Variants in NRXN1 observed in about 807,000 individuals in gnomAD.
NRXN1 encodes neurexin-1.
A neutral mutation model predicts 150.9 loss-of-function variants in NRXN1; 39 were observed. That is an observed-to-expected ratio of 0.26 (90% CI 0.20 to 0.34). The LOEUF is 0.34. Ranked by LOEUF, NRXN1 falls within the 10% of genes least tolerant of loss-of-function variation. The pLI is 1.00. For synonymous variants in NRXN1, 924 were observed against 757.0 expected (o/e 1.22, Z -3.62); for missense variants, 1,815 against 1,949.9 (o/e 0.93, Z 1.30).
At chr2:50,008,881 G>A (rs899226139) in intron 21 of NRXN1, among the ~76,000 whole-genome samples, 4 of 152,034 alleles carry the variant, frequency 2.6e-5, no homozygotes, top group African/African-American at 9.7e-5. Context: ...TGTCACTAGG[G>A]GGTGTATGTT....
chr2:50,112,981 G>A (rs567752462), intron 18 of NRXN1, among the ~76,000 whole-genome samples: 48 of 152,224 alleles, frequency 3.2e-4, no homozygotes, highest in African/African-American at 1.1e-3. Flanking sequence ...CATTTGGAAT[G>A]TGCCTCCCCT....
intron 8 of NRXN1, among the ~76,000 whole-genome samples, chr2:50,568,552 A>C (rs1269187493): frequency 6.6e-6 from 1 of 152,190 alleles, no homozygotes; most frequent in Non-Finnish European, 1.5e-5. Context: ...GCTCAACATC[A>C]CTGATCATCA....
intron 5 of NRXN1, among the ~76,000 whole-genome samples, chr2:50,663,885 T>C (rs1687649493): frequency 6.6e-6 from 1 of 152,046 alleles, no homozygotes; most frequent in African/African-American, 2.4e-5. Flanking sequence ...CTTATTTTAG[T>C]TGGCTGAAAA....
intron 2 of NRXN1, among the ~76,000 whole-genome samples, chr2:51,010,677 A>C (rs1192583320): frequency 6.6e-6 from 1 of 152,074 alleles, no homozygotes; most frequent in Non-Finnish European, 1.5e-5. Context: ...AGTTACTGTT[A>C]AACTGCCTCT....
chr2:50,768,436 G>A (rs1475968467), intron 5 of NRXN1, among the ~76,000 whole-genome samples: 1 of 151,690 alleles, frequency 6.6e-6, no homozygotes, highest in African/African-American at 2.4e-5. Context: ...AACCTCCTGA[G>A]TAGCTAGGAC....
At chr2:50,236,142 C>G (rs1269759816) in intron 18 of NRXN1, among the ~76,000 whole-genome samples, 4 of 151,968 alleles carry the variant, frequency 2.6e-5, no homozygotes, top group Non-Finnish European at 5.9e-5. Flanking sequence ...TCTTTGCTAT[C>G]TATTATATGC....
At chr2:50,505,784 T>A (rs747452633) in intron 13 of NRXN1, among the ~76,000 whole-genome samples, 6 of 152,174 alleles carry the variant, frequency 3.9e-5, no homozygotes, top group Non-Finnish European at 5.9e-5. Flanking sequence ...GACCATTTTG[T>A]GCTTTTTACC....
chr2:50,219,219 T>G (rs911261791), intron 18 of NRXN1, among the ~76,000 whole-genome samples: 3 of 152,066 alleles, frequency 2.0e-5, no homozygotes, highest in Non-Finnish European at 4.4e-5. Context: ...TAGAATTCTA[T>G]GAAGATGATA....
intron 17 of NRXN1, among the ~76,000 whole-genome samples, chr2:50,295,135 C>T (rs1044950363): frequency 6.6e-6 from 1 of 152,088 alleles, no homozygotes; most frequent in Admixed American, 6.5e-5. Context: ...CTTTCTATGC[C>T]CTGGCCTTCC....
intron 18 of NRXN1, among the ~76,000 whole-genome samples, chr2:50,141,526 G>A (rs776420451): frequency 5.3e-5 from 8 of 151,926 alleles, no homozygotes; most frequent in Non-Finnish European, 8.8e-5. Context: ...GAGACAACCT[G>A]CTGAATGGAA....
intron 17 of NRXN1, among the ~76,000 whole-genome samples, chr2:50,421,864 T>C (rs1332870852): frequency 6.6e-6 from 1 of 152,130 alleles, no homozygotes; most frequent in Non-Finnish European, 1.5e-5. Context: ...AAACCACAAA[T>C]GATTTGGGAT....
At chr2:50,547,833 T>C (rs2093528891) in intron 9 of NRXN1, among the ~76,000 whole-genome samples, 1 of 152,114 alleles carries the variant, frequency 6.6e-6, no homozygotes, top group Admixed American at 6.6e-5. Flanking sequence ...CCTGACCCTT[T>C]AGTGAGCAGG....
chr2:50,922,555 T>A, intron 4 of NRXN1, 103 bp downstream of exon 4: 1 of 1,009,788 alleles, frequency 9.9e-7, no homozygotes, highest in Non-Finnish European at 1.5e-6. Context: ...TTTGCAGCCA[T>A]ATAATTTGCA....
At chr2:50,433,834 T>C (rs1372816337) in intron 17 of NRXN1, among the ~76,000 whole-genome samples, 1 of 152,058 alleles carries the variant, frequency 6.6e-6, no homozygotes, top group Admixed American at 6.6e-5. Flanking sequence ...GTCAGTAGCC[T>C]GATACTGAGA....
At chr2:50,013,588 A>T (rs1686070283) in intron 21 of NRXN1, among the ~76,000 whole-genome samples, 2 of 152,168 alleles carry the variant, frequency 1.3e-5, no homozygotes, top group Non-Finnish European at 2.9e-5. Flanking sequence ...TGTATTTATG[A>T]AGAGTCTTAT....
intron 8 of NRXN1, among the ~76,000 whole-genome samples, chr2:50,589,731 C>G (rs1673801674): frequency 8.4e-6 from 1 of 119,104 alleles, no homozygotes; most frequent in Non-Finnish European, 1.8e-5. Flanking sequence ...GCAGCAAAAC[C>G]CAACTGTTAT....
intron 18 of NRXN1, chr2:50,207,393 G>T (rs571872639): frequency 6.6e-6 from 1 of 151,944 alleles, no homozygotes; most frequent in African/African-American, 2.4e-5. Context: ...GGTCACAATG[G>T]AAAAAATATT....
intron 17 of NRXN1, among the ~76,000 whole-genome samples, chr2:50,329,658 TATATATATATATATA>T (rs1407621017): frequency 0.017 from 324 of 18,838 alleles, 8 homozygotes; most frequent in East Asian, 0.042. Context: ...TATATATATA[TATATATATATATATA>T]TTTTTTTTTT....
At chr2:50,450,931 T>C (rs537729651) in intron 17 of NRXN1, among the ~76,000 whole-genome samples, 50 of 152,336 alleles carry the variant, frequency 3.3e-4, no homozygotes, top group African/African-American at 5.3e-4. Flanking sequence ...TCCGAAACAA[T>C]TGACTAGAAA....
Sources: gnomAD v4.1 joint callset for allele counts (sites outside exome capture counted in the v4.1 genomes callset) on GRCh38, gnomAD v4.1.1 for gene constraint, MANE v1.5 for transcripts, NCBI Gene and HGNC (gene_info 2026-07-23, HGNC 2026-07-21) for gene names.